Variants in CNTN5 observed in about 807,000 individuals in gnomAD.
CNTN5 encodes contactin-5.
In CNTN5, 77 loss-of-function variants were observed where a neutral mutation model predicts 129.1. The observed-to-expected ratio is 0.60, with a 90% CI of 0.50 to 0.72. The LOEUF (loss-of-function observed/expected upper bound fraction) is 0.72. Ranked by LOEUF, CNTN5 falls within the 30% of genes least tolerant of loss-of-function variation. The probability of loss-of-function intolerance (pLI) is 0.00; values close to 1 mark genes in which losing one functional copy is unlikely to be tolerated. For missense variants in CNTN5, 1,478 were observed against 1,328.8 expected, an observed-to-expected ratio of 1.11 and a Z score of -1.75; for synonymous variants, 509 against 465.6, an observed-to-expected ratio of 1.09 and a Z score of -1.20.
At chr11:100,083,279 T>C (rs1167737105) in intron 13 of CNTN5, among the ~76,000 whole-genome samples, 1 of 148,808 alleles carries the variant, frequency 6.7e-6, no homozygotes, top group African/African-American at 2.5e-5. Flanking sequence ...ATTGTACCAC[T>C]GTACTCCAGC....
At chr11:100,050,178 A>G (rs1458190105) in intron 9 of CNTN5, among the ~76,000 whole-genome samples, 1 of 152,216 alleles carries the variant, frequency 6.6e-6, no homozygotes, top group Non-Finnish European at 1.5e-5. Context: ...ATGCACACGT[A>G]TGTTTATTGT....
intron 21 of CNTN5, among the ~76,000 whole-genome samples, chr11:100,309,926 ATGAC>A (rs1951437616): frequency 6.6e-6 from 1 of 151,868 alleles, no homozygotes; most frequent in South Asian, 2.1e-4. Flanking sequence ...CCTAAGATCA[ATGAC>A]TGACTGATAC....
intron 2 of CNTN5, among the ~76,000 whole-genome samples, chr11:99,484,216 A>G (rs746308287): frequency 1.3e-5 from 2 of 152,174 alleles, no homozygotes; most frequent in African/African-American, 2.4e-5. Context: ...TTTAAAAAGT[A>G]TGAGTTATCT....
At chr11:99,753,559 G>A (rs529713398) in intron 3 of CNTN5, among the ~76,000 whole-genome samples, 24 of 148,164 alleles carry the variant, frequency 1.6e-4, no homozygotes, top group Middle Eastern at 3.7e-3. Flanking sequence ...TTTGGCTTCT[G>A]CTTGCACTAG....
At chr11:100,082,323 C>A (rs531808106) in intron 13 of CNTN5, among the ~76,000 whole-genome samples, 1 of 152,220 alleles carries the variant, frequency 6.6e-6, no homozygotes, top group South Asian at 2.1e-4. Context: ...ACAATGTCAC[C>A]CAAGCTGGAG....
chr11:100,052,677 C>T (rs1417381072), intron 9 of CNTN5, among the ~76,000 whole-genome samples: 1 of 151,784 alleles, frequency 6.6e-6, no homozygotes, highest in Non-Finnish European at 1.5e-5. Flanking sequence ...AAATCCTAGC[C>T]TGCTTCTACT....
chr11:100,341,618 G>GT (rs1340124060), intron 23 of CNTN5, among the ~76,000 whole-genome samples: 2 of 152,134 alleles, frequency 1.3e-5, no homozygotes, highest in Non-Finnish European at 2.9e-5. Context: ...CAAAAAAAAT[G>GT]TAAGGGCTAG....
intron 1 of CNTN5, among the ~76,000 whole-genome samples, chr11:99,170,838 A>T (rs761119188): frequency 1.3e-5 from 2 of 152,240 alleles, no homozygotes; most frequent in Non-Finnish European, 2.9e-5. Context: ...CTGTTTTCTC[A>T]GTGCTAAATA....
intron 3 of CNTN5, among the ~76,000 whole-genome samples, chr11:99,762,588 T>G (rs956127678): frequency 1.5e-4 from 23 of 152,168 alleles, no homozygotes; most frequent in Middle Eastern, 6.8e-3. Flanking sequence ...ATATGCGGCG[T>G]TATTTCTGAG....
intron 2 of CNTN5, among the ~76,000 whole-genome samples, chr11:99,333,913 T>C (rs1591535713): frequency 1.3e-5 from 2 of 151,962 alleles, no homozygotes; most frequent in South Asian, 2.1e-4. Flanking sequence ...TGCTATACTC[T>C]CAAAGCTATG....
Position 99,306,617 on chromosome 11 carries a change from A to T in CNTN5, c.-209-18729A>T, listed in dbSNP as rs1864884260. On this transcript the variant is annotated intron_variant, in intron 1 of 24. Transcript: ENST00000524871. ...AAAATCCTTAATCTCTTTTTTAACT[A>T]AAAAAATTCAGGAGGCTGAGGCAGG... Among the ~76,000 whole-genome samples the T allele has an allele frequency of 2.0e-5, 3 of 151,800 alleles. No individual in the cohort carries two copies. In the South Asian group the frequency reaches 6.2e-4, roughly 32 times the overall value.
intron 21 of CNTN5, among the ~76,000 whole-genome samples, chr11:100,321,607 A>G (rs189153839): frequency 1.8e-4 from 27 of 152,260 alleles, no homozygotes; most frequent in African/African-American, 6.5e-4. Flanking sequence ...TGGCAAGAGT[A>G]TGCATCCTTG....
intron 6 of CNTN5, among the ~76,000 whole-genome samples, chr11:99,868,213 T>C (rs1006793018): frequency 4.7e-5 from 7 of 147,908 alleles, no homozygotes; most frequent in African/African-American, 1.8e-4. Context: ...CAAAACTCCA[T>C]CTCATAAAAA....
chr11:99,936,095 AG>A (rs1950310489), intron 7 of CNTN5, among the ~76,000 whole-genome samples: 1 of 152,196 alleles, frequency 6.6e-6, no homozygotes, highest in Non-Finnish European at 1.5e-5. Context: ...GCAAAGCAGA[AG>A]GGCTCCAAGA....
At chr11:99,992,681 G>A (rs765580605) in intron 8 of CNTN5, among the ~76,000 whole-genome samples, 3 of 152,268 alleles carry the variant, frequency 2.0e-5, no homozygotes, top group Admixed American at 6.5e-5. Flanking sequence ...TCTCTGTTCT[G>A]TAAGGTGCTT....
At chr11:99,342,623 C>G (rs1259052264) in intron 2 of CNTN5, among the ~76,000 whole-genome samples, 2 of 139,666 alleles carry the variant, frequency 1.4e-5, no homozygotes, top group Non-Finnish European at 3.0e-5. Flanking sequence ...GTGACACGTG[C>G]CTGTGATCCC....
chr11:99,406,164 A>T lies in CNTN5; in HGVS notation c.-71+80680A>T, dbSNP rs4754624. On this transcript the variant is annotated intron_variant, in intron 2 of 24. Coordinates refer to ENST00000524871, the MANE Select transcript of CNTN5 (RefSeq NM_014361.4). ...TTAGATATATATTGTAGTATTCACAATCTGGGCTTATTTGCACTCATCCTT... is the reference window on the plus strand; with the variant it reads ...TTAGATATATATTGTAGTATTCACATTCTGGGCTTATTTGCACTCATCCTT... 4.0e-5 allele frequency among the ~76,000 whole-genome samples: 6 copies of T among 151,626 alleles called. 1 individual carries two copies. In the Middle Eastern group the frequency reaches 0.017, roughly 436 times the overall value.
chr11:99,254,681 G>C (rs184128695), intron 1 of CNTN5, among the ~76,000 whole-genome samples: 1 of 151,962 alleles, frequency 6.6e-6, no homozygotes, highest in Admixed American at 6.6e-5. Flanking sequence ...ATCTCAGTCA[G>C]AGTATGATTT....
chr11:99,214,580 G>A (rs923002625), intron 1 of CNTN5, among the ~76,000 whole-genome samples: 2 of 151,728 alleles, frequency 1.3e-5, no homozygotes, highest in Non-Finnish European at 2.9e-5. Context: ...TTGTTAAGAT[G>A]TTAACCAGAA....
Sources: gnomAD v4.1 joint callset for allele counts (sites outside exome capture counted in the v4.1 genomes callset) on GRCh38, gnomAD v4.1.1 for gene constraint, MANE v1.5 for transcripts, NCBI Gene and HGNC (gene_info 2026-07-23, HGNC 2026-07-21) for gene names.